The following CSMD1 variants were observed in gnomAD, a reference collection of about 807,000 sequenced individuals.
CSMD1 encodes the protein CUB and Sushi multiple domains 1.
CSMD1 carries 213 observed loss-of-function variants against 417.5 expected under a neutral mutation model. The ratio of observed to expected loss-of-function variants is 0.51; its 90% CI spans 0.46 to 0.57. The LOEUF is 0.57. CSMD1 is among the 20% of genes least tolerant of loss of function. CSMD1 has a pLI of 0.00. For missense variants in CSMD1, 6,923 were observed against 4,529.7 expected (o/e 1.53, Z -15.17); for synonymous variants, 2,862 against 1,736.8 (o/e 1.65, Z -16.11).
At chr8:4,663,739 G>T (rs1430305732) in intron 1 of CSMD1, among the ~76,000 whole-genome samples, 1 of 152,316 alleles carries the variant, frequency 6.6e-6, no homozygotes, top group East Asian at 1.9e-4. Flanking sequence ...AAATTGCCCA[G>T]TCACAGGTAG....
chr8:3,359,010 T>A, intron 21 of CSMD1, 142 bp downstream of exon 21: 3 of 692,750 alleles, frequency 4.3e-6, no homozygotes, highest in Non-Finnish European at 7.3e-6. Flanking sequence ...CCCTCTCCCC[T>A]GGTTGGCAGA....
intron 10 of CSMD1, among the ~76,000 whole-genome samples, chr8:3,511,677 G>C (rs1797073503): frequency 6.6e-6 from 1 of 151,644 alleles, no homozygotes; most frequent in Admixed American, 6.6e-5. Flanking sequence ...AGAATCCCTT[G>C]AACTGGGGCG....
chr8:3,935,094 T>A (rs533375708), intron 5 of CSMD1, among the ~76,000 whole-genome samples: 1 of 152,118 alleles, frequency 6.6e-6, no homozygotes, highest in Non-Finnish European at 1.5e-5. Flanking sequence ...ATCTAATACT[T>A]AAAACAACAT....
chr8:3,253,969 T>C (rs577951133), intron 26 of CSMD1, among the ~76,000 whole-genome samples: 1 of 152,346 alleles, frequency 6.6e-6, no homozygotes, highest in Non-Finnish European at 1.5e-5. Flanking sequence ...CTTCCTAGCC[T>C]TGATGGTCTT....
chr8:4,126,133 A>T lies in CSMD1; in HGVS notation c.416-94034T>A, dbSNP rs115947615. Among the ~76,000 whole-genome samples, 566 of 152,150 alleles carry T rather than the reference A, an allele frequency of 3.7e-3. 2 individuals are homozygous for T. Among genetic ancestry groups the T allele is most frequent in the African/African-American group, 0.013 (541 of 41,500 alleles). ...TTGACCCCCTGTGATTTCATCTTCA[A>T]CCTGACCAGTCAGCACTACCCACTT... On this transcript the variant is annotated intron_variant, in intron 3 of 69. Transcript: ENST00000635120.
intron 2 of CSMD1, among the ~76,000 whole-genome samples, chr8:4,499,945 T>C (rs1802170522): frequency 6.6e-6 from 1 of 152,078 alleles, no homozygotes; most frequent in South Asian, 2.1e-4. Flanking sequence ...TCTAGGGTAG[T>C]ATGCATGGAA....
At chr8:4,057,141 C>T (rs986381787) in intron 3 of CSMD1, among the ~76,000 whole-genome samples, 1 of 152,224 alleles carries the variant, frequency 6.6e-6, no homozygotes, top group African/African-American at 2.4e-5. Flanking sequence ...AACTAGTTTA[C>T]AGTCCCACCA....
At position 4,929,690 on chromosome 8, in the gene CSMD1, GTTTTAT is replaced by G. The variant is rs1346740485; in HGVS notation, c.85+64636_85+64641del. On this transcript the variant is annotated intron_variant, in intron 1 of 69. Transcript: ENST00000635120. ...CATCTCCCAGAAAACTTCAGCTTCTGTTTTATTTTTATTTTTTCTGGAGCCCGCACT... is the reference window on the plus strand; with the variant it reads ...CATCTCCCAGAAAACTTCAGCTTCTGTTTTATTTTTTCTGGAGCCCGCACT... 2.0e-5 allele frequency among the ~76,000 whole-genome samples: 3 copies of G among 152,126 alleles called. No homozygotes were observed. The East Asian group carries it at 5.8e-4, about 29-fold the overall frequency.
At chr8:3,190,507 C>A (rs189010998) in intron 33 of CSMD1, among the ~76,000 whole-genome samples, 2 of 152,114 alleles carry the variant, frequency 1.3e-5, no homozygotes, top group African/African-American at 4.8e-5. Flanking sequence ...ACTAACCATG[C>A]GTACTTGTCC....
chr8:4,411,828 T>C (rs555462116), intron 3 of CSMD1, among the ~76,000 whole-genome samples: 3 of 152,362 alleles, frequency 2.0e-5, no homozygotes, highest in East Asian at 3.9e-4. Context: ...CAAATACTTT[T>C]ATTTATATTT....
At chr8:4,092,741 T>C (rs889915533) in intron 3 of CSMD1, among the ~76,000 whole-genome samples, 1 of 152,152 alleles carries the variant, frequency 6.6e-6, no homozygotes, top group Non-Finnish European at 1.5e-5. Flanking sequence ...AACTTCCACA[T>C]TTTCTTTAAA....
chr8:3,052,621 G>C lies in CSMD1; in HGVS notation c.7501C>G (p.Pro2501Ala). Residue 2501 changes from proline (P) to alanine (A), a missense_variant, in exon 50 of 70, where the codon CCA (proline) becomes GCA (alanine). Transcript: ENST00000635120. The part of the protein sequence containing the change: ...QAVSCGIPES[P>A]GNGSFTGNEF... The stretch of plus-strand genomic sequence containing the variant: ...TTCCCGGTAAATGAACCGTTTCCTG[G>C]GGATTCTGGGATTCCACAGGACACA... 6.2e-7 allele frequency: 1 copy of C among 1,610,276 alleles called. No homozygotes were observed. The highest frequency in any genetic ancestry group is 8.5e-7 in the Non-Finnish European group (1 of 1,178,330).
chr8:4,015,245 T>C (rs1796465302), intron 4 of CSMD1, among the ~76,000 whole-genome samples: 1 of 152,194 alleles, frequency 6.6e-6, no homozygotes, highest in Non-Finnish European at 1.5e-5. Context: ...ATGTTACCGC[T>C]GAAACATAAT....
chr8:4,409,620 T>A (rs1172254897), intron 3 of CSMD1, among the ~76,000 whole-genome samples: 1 of 147,938 alleles, frequency 6.8e-6, no homozygotes, highest in African/African-American at 2.5e-5. Flanking sequence ...GAGTATAGAT[T>A]CATCATTATT....
chr8:3,285,579 A>G (rs1403525336), intron 25 of CSMD1, among the ~76,000 whole-genome samples: 7 of 151,838 alleles, frequency 4.6e-5, no homozygotes, highest in Non-Finnish European at 1.0e-4. Context: ...TTGTATTTAT[A>G]GTAGACATGG....
intron 7 of CSMD1, among the ~76,000 whole-genome samples, chr8:3,621,337 G>A (rs1023076360): frequency 6.6e-6 from 1 of 152,122 alleles, no homozygotes; most frequent in African/African-American, 2.4e-5. Context: ...GCCCACAAGA[G>A]ACTCACTTTA....
At chr8:4,786,111 A>AAT (rs199617481) in intron 1 of CSMD1, among the ~76,000 whole-genome samples, 5 of 152,120 alleles carry the variant, frequency 3.3e-5, no homozygotes, top group Admixed American at 3.3e-4. Context: ...ACCAAAAAAA[A>AAT]TAAATATCCT....
At chr8:4,382,943 C>G (rs1401364050) in intron 3 of CSMD1, among the ~76,000 whole-genome samples, 1 of 152,120 alleles carries the variant, frequency 6.6e-6, no homozygotes, top group Non-Finnish European at 1.5e-5. Context: ...ATTTTATCAC[C>G]TAAGCTGCAT....
At chr8:4,194,232 C>T (rs1172493244) in intron 3 of CSMD1, among the ~76,000 whole-genome samples, 1 of 152,078 alleles carries the variant, frequency 6.6e-6, no homozygotes, top group African/African-American at 2.4e-5. Context: ...ATCAACACTG[C>T]TGCTTTTAAC....
Sources: gnomAD v4.1 joint callset for allele counts (sites outside exome capture counted in the v4.1 genomes callset) on GRCh38, gnomAD v4.1.1 for gene constraint, MANE v1.5 for transcripts, NCBI Gene and HGNC (gene_info 2026-07-23, HGNC 2026-07-21) for gene names.